The following NBEAL1 variants were observed in gnomAD, a reference collection of about 807,000 sequenced individuals.
The protein encoded by NBEAL1 is neurobeachin-like protein 1.
A neutral mutation model predicts 351.3 loss-of-function variants in NBEAL1; 273 were observed. The ratio of observed to expected loss-of-function variants is 0.78; its 90% CI spans 0.70 to 0.86. The LOEUF is 0.86. Ranked by LOEUF, NBEAL1 falls within the 40% of genes least tolerant of loss-of-function variation. The pLI, the probability that NBEAL1 is intolerant of heterozygous loss-of-function variation, is 0.00. For synonymous variants in NBEAL1, 1,050 were observed against 1,086.4 expected (o/e 0.97, Z 0.66); for missense variants, 2,961 against 3,201.3 (o/e 0.92, Z 1.81).
Position 203,221,455 on chromosome 2 carries a change from TAAACCTGTCTTCTG to T in NBEAL1, c.*4102_*4115del, listed in dbSNP as rs2065953008. On this transcript the variant is annotated 3_prime_UTR_variant, in exon 56 of 56. Transcript: ENST00000683969. ...ATTGGTCTTTTCAAATATGTATATT[TAAACCTGTCTTCTG>T]GAAACAGGTTCTTGAACCTATCTTT... is the stretch of plus-strand genomic sequence containing the variant. Among the ~76,000 whole-genome samples the T allele has an allele frequency of 1.3e-5, 2 of 152,050 alleles. No homozygotes were observed. Among genetic ancestry groups the T allele is most frequent in the Non-Finnish European group, 2.9e-5 (2 of 67,984 alleles).
chr2:203,209,224 T>C lies in NBEAL1; in HGVS notation c.7687T>C (p.Cys2563Arg), dbSNP rs1474126925. The change falls in exon 53 of 56, where the codon TGT (cysteine) becomes CGT (arginine). Residue 2563 changes from cysteine to arginine, a missense_variant. By Grantham distance (180) the Cys-to-Arg change is radical (BLOSUM62 -3). Coordinates refer to ENST00000683969, the MANE Select transcript of NBEAL1 (RefSeq NM_001378026.1). ...GQYMRTLRPP[C>R]ESSLFLTIPN... ...GTACATGAGGACTTTACGACCACCT[T>C]GTGAGAGTTCTCTGTTCCTGACCAT... 2 of 1,613,762 alleles carry C rather than the reference T, an allele frequency of 1.2e-6. No individual in the cohort carries two copies. The highest frequency in any genetic ancestry group is 1.7e-6 in the Non-Finnish European group (2 of 1,179,668).
chr2:203,132,587 AG>A (rs1190850806), intron 26 of NBEAL1, among the ~76,000 whole-genome samples: 1 of 152,120 alleles, frequency 6.6e-6, no homozygotes, highest in Non-Finnish European at 1.5e-5. Flanking sequence ...AGCTCACTGT[AG>A]CCTCATACTG....
At chr2:203,179,110 C>A (rs914592198) in intron 42 of NBEAL1, among the ~76,000 whole-genome samples, 4 of 152,120 alleles carry the variant, frequency 2.6e-5, no homozygotes, top group African/African-American at 9.7e-5. Context: ...ATTAATGTCA[C>A]TTTTTTTCTT....
rs1173085860 is a variant in NBEAL1 at position 203,084,549 on chromosome 2, C to T, written c.1078C>T (p.Arg360Ter). The T allele has an allele frequency of 7.2e-6, 11 of 1,529,906 alleles. No homozygotes were observed. The highest frequency in any genetic ancestry group is 4.1e-5 in the African/African-American group (3 of 72,384). The allele number at this position is 1,529,906 out of a possible 1,614,324, so 94.8% of individuals were successfully genotyped here. Residue 360 changes from arginine (R) to a stop codon, truncating the protein, a stop_gained, in exon 10 of 56, where the codon CGA becomes TGA. Transcript: ENST00000683969. LOFTEE classifies it high-confidence loss of function. The part of the protein sequence containing the change: ...LNSNCFEHLI[R>*]LLQNCKLFLN... The stretch of plus-strand genomic sequence containing the variant: ...CAGCAATTGCTTTGAACATCTCATA[C>T]GACTGCTACAGAACTGCAAGGTATT...
intron 6 of NBEAL1, among the ~76,000 whole-genome samples, chr2:203,059,001 A>G (rs2061452526): frequency 6.6e-6 from 1 of 152,146 alleles, no homozygotes; most frequent in South Asian, 2.1e-4. Context: ...AAGATTTTCC[A>G]TTTTCATTTT....
chr2:203,167,386 C>G, intron 38 of NBEAL1, 26 bp downstream of exon 38: 1 of 1,562,226 alleles, frequency 6.4e-7, no homozygotes. Flanking sequence ...TCAGGAAATC[C>G]CAAAATGCTA....
chr2:203,126,240 TA>T, intron 21 of NBEAL1, 147 bp downstream of exon 21: 1 of 825,936 alleles, frequency 1.2e-6, no homozygotes, highest in South Asian at 2.0e-5. Context: ...AGGCAGCTTT[TA>T]AAAACTTGTA....
chr2:203,172,533 A>G (rs1185327128), intron 40 of NBEAL1, among the ~76,000 whole-genome samples, 196 bp from the exon 41 acceptor site: 1 of 152,186 alleles, frequency 6.6e-6, no homozygotes, highest in East Asian at 1.9e-4. Context: ...AAAAAAAGAA[A>G]AGAAAAGATT....
chr2:203,055,681 A>G (rs1279844497), intron 4 of NBEAL1, among the ~76,000 whole-genome samples: 2 of 152,118 alleles, frequency 1.3e-5, no homozygotes. Flanking sequence ...TTTAAGATAT[A>G]TGTTTTACAA....
At chr2:203,146,119 A>G (rs988568710) in intron 33 of NBEAL1, among the ~76,000 whole-genome samples, 12 of 152,116 alleles carry the variant, frequency 7.9e-5, no homozygotes, top group Non-Finnish European at 7.4e-5. Context: ...AAACCACTCT[A>G]TGCACATAAA....
At chr2:203,175,969 C>T (rs563651588) in intron 42 of NBEAL1, among the ~76,000 whole-genome samples, 1 of 152,054 alleles carries the variant, frequency 6.6e-6, no homozygotes, top group African/African-American at 2.4e-5. Flanking sequence ...TTCCTTATTT[C>T]TGTTTATGTA....
At position 203,197,248 on chromosome 2, in the gene NBEAL1, T is replaced by G. The variant is rs1339233180; in HGVS notation, c.7039-54T>G. On this transcript the variant is annotated intron_variant, in intron 47 of 55. Transcript: ENST00000683969. ...ATTTAAAGAGACGGTTTTCAGTAAT[T>G]TGTACCTAATAAAGATGAGCAGAAC... The G allele has an allele frequency of 4.0e-6, 4 of 1,003,908 alleles. No homozygotes were observed. In the African/African-American group the frequency reaches 6.3e-5, roughly 16 times the overall value. The allele number at this position is 1,003,908 out of a possible 1,614,324, so 62.2% of individuals were successfully genotyped here.
chr2:203,064,492 T>C (rs1388947310), intron 6 of NBEAL1, among the ~76,000 whole-genome samples: 1 of 152,222 alleles, frequency 6.6e-6, no homozygotes, highest in Non-Finnish European at 1.5e-5. Flanking sequence ...TAAGAAGTAG[T>C]GGGTATCATG....
At position 203,183,375 on chromosome 2, in the gene NBEAL1, A is replaced by G; in HGVS notation, c.6692A>G (p.His2231Arg). The G allele has an allele frequency of 6.4e-7, 1 of 1,567,036 alleles. No individual in the cohort carries two copies. Among genetic ancestry groups the G allele is most frequent in the Non-Finnish European group, 8.7e-7 (1 of 1,150,298 alleles). Residue 2231 changes from histidine (H) to arginine (R), a missense_variant, in exon 44 of 56, where the codon CAT becomes CGT. By Grantham distance (29) the His-to-Arg change is conservative (BLOSUM62 0). Coordinates refer to ENST00000683969, the MANE Select transcript of NBEAL1 (RefSeq NM_001378026.1). Reference protein sequence around the residue: ...AKSAEDFIYKHRKALESEYVS... With the variant: ...AKSAEDFIYKRRKALESEYVS... ...TCAGCTGAAGATTTCATCTATAAACATAGGAAAGCTTTGGTAAGAGTTTTG... is the reference window on the plus strand; with the variant it reads ...TCAGCTGAAGATTTCATCTATAAACGTAGGAAAGCTTTGGTAAGAGTTTTG...
In NBEAL1 at chr2:203,188,474, G is replaced by A; in HGVS notation, c.6708G>A (p.Glu2236=). 1 of 1,518,978 alleles carries A rather than the reference G, an allele frequency of 6.6e-7. No individual in the cohort carries two copies. Among genetic ancestry groups the A allele is most frequent in the Non-Finnish European group, 8.9e-7 (1 of 1,125,932 alleles). The allele number at this position is 1,518,978 out of a possible 1,614,324, so 94.1% of individuals were successfully genotyped here. The change falls in exon 45 of 56, where the codon GAG becomes GAA. Residue 2236 remains glutamate, a splice_region_variant and synonymous_variant. Transcript: ENST00000683969. ...DFIYKHRKAL[E]SEYVSAHLHE... ...TATTAAATTTATTCTTTTTCTAGGA[G>A]TCTGAATATGTTTCAGCTCATCTTC...
chr2:203,116,939 A>G (rs1311509509), intron 18 of NBEAL1, among the ~76,000 whole-genome samples: 1 of 151,934 alleles, frequency 6.6e-6, no homozygotes. Context: ...CGTCTCTACT[A>G]AAAATACAAA....
intron 7 of NBEAL1, among the ~76,000 whole-genome samples, chr2:203,074,317 C>CTTTTT (rs56217945): frequency 5.7e-4 from 56 of 98,278 alleles, no homozygotes; most frequent in East Asian, 1.1e-3. Flanking sequence ...TTTCTTTCTT[C>CTTTTT]TTTTTTTTTT....
rs189464249 is a variant in NBEAL1, at chr2:203,184,614, T to G, written c.6705+1226T>G. ...TACCTAAACTGAAATGTTGGAGGAC[T>G]CTGAAAATAATTAAGCCAGTACTTG... On this transcript the variant is annotated intron_variant, in intron 44 of 55. Coordinates refer to ENST00000683969, the MANE Select transcript of NBEAL1 (RefSeq NM_001378026.1). 9.7e-4 allele frequency among the ~76,000 whole-genome samples: 147 copies of G among 152,110 alleles called. 1 individual carries two copies. The highest frequency in any genetic ancestry group is 3.4e-3 in the African/African-American group (140 of 41,546).
chr2:203,160,747 G>C (rs2063930261), intron 36 of NBEAL1, among the ~76,000 whole-genome samples: 1 of 152,168 alleles, frequency 6.6e-6, no homozygotes. Flanking sequence ...TAATTCTGTA[G>C]AGCCTGTTTT....
Sources: allele counts gnomAD v4.1 joint callset (sites outside exome capture counted in the v4.1 genomes callset), GRCh38; gene constraint gnomAD v4.1.1; transcripts MANE v1.5; gene names NCBI Gene and HGNC (gene_info 2026-07-23, HGNC 2026-07-21).